IL17RD: variants seen among roughly 807,000 people sequenced by gnomAD.
The protein encoded by IL17RD is interleukin-17 receptor D.
In IL17RD, 52 loss-of-function variants were observed where a neutral mutation model predicts 80.5. The observed-to-expected ratio is 0.65, with a 90% CI of 0.52 to 0.81. The LOEUF (loss-of-function observed/expected upper bound fraction) is 0.81, where lower values mean the gene tolerates loss of function less well. Among genes scored for constraint, IL17RD ranks in the 40% least tolerant of loss-of-function variants. The pLI is 0.00. For missense variants in IL17RD, 1,024 were observed against 955.1 expected (o/e 1.07, Z -0.95); for synonymous variants, 416 against 391.8 (o/e 1.06, Z -0.73).
chr3:57,151,990 C>T (rs191713066), intron 1 of IL17RD, among the ~76,000 whole-genome samples: 1 of 152,154 alleles, frequency 6.6e-6, no homozygotes, highest in African/African-American at 2.4e-5. Context: ...AATGTCAGAG[C>T]CTGGGGAGCT....
intron 2 of IL17RD, among the ~76,000 whole-genome samples, chr3:57,117,910 T>C (rs564631570): frequency 1.3e-5 from 2 of 152,292 alleles, no homozygotes; most frequent in East Asian, 3.9e-4. Context: ...TAATTAAATG[T>C]TGAAGAATTA....
At chr3:57,143,963 C>T (rs1354781872) in intron 1 of IL17RD, among the ~76,000 whole-genome samples, 1 of 152,200 alleles carries the variant, frequency 6.6e-6, no homozygotes, top group Non-Finnish European at 1.5e-5. Context: ...ATAGTCCACA[C>T]CATTGGTCTC....
Position 57,101,211 on chromosome 3 carries a change from C to A in IL17RD, c.1132G>T (p.Ala378Ser), listed in dbSNP as rs1249482730. ...QNHMNVVQCF[A>S]YFLQDFCGCE... ...CCACAGAAGTCCTGGAGGAAGTAGG[C>A]GAAACACTGGACGACATTCATGTGA... Residue 378 changes from alanine to serine, a missense_variant, in exon 11 of 13, where the codon GCC becomes TCC. Coordinates refer to ENST00000296318, the MANE Select transcript of IL17RD (RefSeq NM_017563.5). 3.1e-6 allele frequency: 5 copies of A among 1,613,600 alleles called. No homozygotes were observed. Among genetic ancestry groups the A allele is most frequent in the East Asian group, 2.2e-5 (1 of 44,878 alleles).
Position 57,091,246 on chromosome 3 carries a change from G to A in IL17RD, c.*5147C>T, listed in dbSNP as rs1220424553. On this transcript the variant is annotated 3_prime_UTR_variant, in exon 13 of 13. Transcript: ENST00000296318. ...GGGGTAGCTGCCACTCAGAAGGTAAGAGCTGGTCTCAGAGTATACATCAGG... is the reference window on the plus strand; with the variant it reads ...GGGGTAGCTGCCACTCAGAAGGTAAAAGCTGGTCTCAGAGTATACATCAGG... The A allele has an allele frequency of 6.6e-6, 1 of 152,582 alleles. No homozygotes were observed. The highest frequency in any genetic ancestry group is 1.5e-5 in the Non-Finnish European group (1 of 68,026). 9.5% of individuals were successfully genotyped at this position (152,582 alleles called of 1,614,324 possible). A position where few individuals can be genotyped will look rare whatever the true frequency, so the allele number is the denominator to read the frequency against.
At chr3:57,149,121 G>A (rs1311136129) in intron 1 of IL17RD, among the ~76,000 whole-genome samples, 1 of 152,084 alleles carries the variant, frequency 6.6e-6, no homozygotes, top group East Asian at 1.9e-4. Context: ...AGACCAGCCT[G>A]GCCAACATGG....
chr3:57,098,501 C>T lies in IL17RD; in HGVS notation c.1202G>A (p.Arg401Lys). ...LDLWEDFSLC[R>K]EGQREWVIQK... is the part of the protein sequence containing the mutation. ...GATGACCCATTCTCTCTGCCCTTCTCTACAGAGGCTGAAGTCTTCCCACAG... is the reference window on the plus strand; with the variant it reads ...GATGACCCATTCTCTCTGCCCTTCTTTACAGAGGCTGAAGTCTTCCCACAG... Residue 401 changes from arginine (R) to lysine (K), a missense_variant, in exon 12 of 13, where the codon AGA (arginine) becomes AAA (lysine). Transcript: ENST00000296318. 1 of 1,611,690 alleles carries T rather than the reference C, an allele frequency of 6.2e-7. No homozygotes were observed. Among genetic ancestry groups the T allele is most frequent in the Non-Finnish European group, 8.5e-7 (1 of 1,178,442 alleles).
upstream of IL17RD, chr3:57,169,336 T>C: frequency 2.1e-6 from 1 of 477,338 alleles, no homozygotes; most frequent in Admixed American, 2.2e-5. Flanking sequence ...CCTAGCACTC[T>C]GTCTGGCACG....
chr3:57,133,069 C>T (rs1460520192), intron 1 of IL17RD, among the ~76,000 whole-genome samples: 6 of 152,200 alleles, frequency 3.9e-5, no homozygotes, highest in African/African-American at 1.4e-4. Flanking sequence ...CACAGCAAAA[C>T]TCATTCAGCT....
At chr3:57,128,166 G>T (rs1707533651) in intron 1 of IL17RD, among the ~76,000 whole-genome samples, 1 of 152,188 alleles carries the variant, frequency 6.6e-6, no homozygotes, top group African/African-American at 2.4e-5. Flanking sequence ...GTGAGGTCTT[G>T]GATGCGTAGC....
rs988916337 is a variant in IL17RD, at chr3:57,091,629, T to C, written c.*4764A>G. On this transcript the variant is annotated 3_prime_UTR_variant, in exon 13 of 13. Transcript: ENST00000296318. ...TTAAGTGGGTGGAATTATTTATCAC[T>C]GAAATAAAAACACCAGGGGGATGAC... 2.0e-5 allele frequency: 3 copies of C among 152,640 alleles called. No homozygotes were observed. The allele number at this position is 152,640 out of a possible 1,614,324, so 9.5% of individuals were successfully genotyped here.
At chr3:57,146,102 G>A (rs956946873) in intron 1 of IL17RD, among the ~76,000 whole-genome samples, 1 of 151,926 alleles carries the variant, frequency 6.6e-6, no homozygotes, top group Non-Finnish European at 1.5e-5. Flanking sequence ...AAGGAACAAA[G>A]GTTTGCTGGC....
At chr3:57,149,688 T>C (rs1708015472) in intron 1 of IL17RD, among the ~76,000 whole-genome samples, 1 of 152,228 alleles carries the variant, frequency 6.6e-6, no homozygotes, top group African/African-American at 2.4e-5. Context: ...GGTTACTGAA[T>C]TGAACGGTGC....
rs887333783 is a variant in IL17RD, at chr3:57,096,520, G to A, written c.2108-15C>T. ...TTCCTCCTCACCTAAGGAGAGAAGA[G>A]AGTACAGAGTCACACTGTCATTGCA... On this transcript the variant is annotated splice_polypyrimidine_tract_variant and intron_variant, in intron 12 of 12. Coordinates refer to ENST00000296318, the MANE Select transcript of IL17RD (RefSeq NM_017563.5). 2 of 1,519,774 alleles carry A rather than the reference G, an allele frequency of 1.3e-6. No individual in the cohort carries two copies. 94.1% of individuals were successfully genotyped at this position (1,519,774 alleles called of 1,614,324 possible). A position where few individuals can be genotyped will look rare whatever the true frequency, so the allele number is the denominator to read the frequency against.
At position 57,163,781 on chromosome 3, in the gene IL17RD, G is replaced by A. The variant is rs935130688; in HGVS notation, c.126+1380C>T. ...CTAGGAAGGAATGACAGAGCCTAAT[G>A]GGGCGGGGGGGCGGGGGGGGAAGGG... On this transcript the variant is annotated intron_variant, in intron 1 of 12. Coordinates refer to ENST00000296318, the MANE Select transcript of IL17RD (RefSeq NM_017563.5). Among the ~76,000 whole-genome samples, 12 of 108,460 alleles carry A rather than the reference G, an allele frequency of 1.1e-4. No individual in the cohort carries two copies. The East Asian group carries it at 2.5e-3, about 22-fold the overall frequency. The allele number at this position is 108,460 out of a possible 152,430, so 71.2% of individuals were successfully genotyped here.
chr3:57,141,999 T>C (rs1216628551), intron 1 of IL17RD, among the ~76,000 whole-genome samples: 11 of 151,984 alleles, frequency 7.2e-5, no homozygotes, highest in Non-Finnish European at 1.5e-5. Flanking sequence ...CCTGCCCCAT[T>C]GCCTAAACGC....
intron 1 of IL17RD, among the ~76,000 whole-genome samples, chr3:57,149,592 T>G (rs762112820): frequency 6.6e-6 from 1 of 152,234 alleles, no homozygotes; most frequent in Non-Finnish European, 1.5e-5. Flanking sequence ...GATTTAAATT[T>G]AAATTAAGTT....
chr3:57,113,029 A>G (rs1707133149), intron 3 of IL17RD, among the ~76,000 whole-genome samples: 1 of 152,170 alleles, frequency 6.6e-6, no homozygotes, highest in South Asian at 2.1e-4. Flanking sequence ...AGTGAGGTTC[A>G]ATGCCTCATG....
At position 57,092,003 on chromosome 3, in the gene IL17RD, G is replaced by A. The variant is rs891828816; in HGVS notation, c.*4390C>T. On this transcript the variant is annotated 3_prime_UTR_variant, in exon 13 of 13. Transcript: ENST00000296318. ...CCTGGAAAGGAGGTGATATGGCAAG[G>A]ATGACCCAACACCCCATTTGGACTC... The A allele has an allele frequency of 6.6e-6, 1 of 152,662 alleles. No individual in the cohort carries two copies. Among genetic ancestry groups the A allele is most frequent in the Admixed American group, 6.5e-5 (1 of 15,298 alleles). 9.5% of individuals were successfully genotyped at this position (152,662 alleles called of 1,614,324 possible).
chr3:57,129,694 A>G (rs960936826), intron 1 of IL17RD, among the ~76,000 whole-genome samples: 3 of 152,230 alleles, frequency 2.0e-5, no homozygotes, highest in Non-Finnish European at 4.4e-5. Context: ...ATGGAAGGCC[A>G]TCATTTTAGG....
Sources: allele counts gnomAD v4.1 joint callset (sites outside exome capture counted in the v4.1 genomes callset), GRCh38; gene constraint gnomAD v4.1.1; transcripts MANE v1.5; gene names NCBI Gene and HGNC (gene_info 2026-07-23, HGNC 2026-07-21).